Variants in NTRK2 observed in about 807,000 individuals in gnomAD.
NTRK2 encodes the protein neurotrophic receptor tyrosine kinase 2.
Under a neutral mutation model 94.5 loss-of-function variants are expected in NTRK2, and 13 were observed. That is an observed-to-expected ratio of 0.14 (90% CI 0.09 to 0.22). The LOEUF (loss-of-function observed/expected upper bound fraction) is 0.22, where lower values mean the gene tolerates loss of function less well. Ranked by LOEUF, NTRK2 falls within the 10% of genes least tolerant of loss-of-function variation. The probability of loss-of-function intolerance (pLI) is 1.00; values close to 1 mark genes in which losing one functional copy is unlikely to be tolerated. For missense variants in NTRK2, 639 were observed against 1,071.2 expected (o/e 0.60, Z 5.63); for synonymous variants, 372 against 407.4 (o/e 0.91, Z 1.05).
chr9:84,967,934 C>T (rs1008074012), intron 17 of NTRK2, among the ~76,000 whole-genome samples: 1 of 152,218 alleles, frequency 6.6e-6, no homozygotes, highest in Non-Finnish European at 1.5e-5. Context: ...TTCTTCCCAG[C>T]TGTCTTAGGG....
intron 14 of NTRK2, among the ~76,000 whole-genome samples, chr9:84,901,370 G>A (rs374869433): frequency 1.4e-4 from 22 of 151,838 alleles, no homozygotes; most frequent in African/African-American, 4.8e-4. Flanking sequence ...CTACAGGCAC[G>A]TGCCACCACA....
chr9:84,739,648 A>G (rs1424161146), intron 9 of NTRK2, among the ~76,000 whole-genome samples: 1 of 152,172 alleles, frequency 6.6e-6, no homozygotes, highest in Non-Finnish European at 1.5e-5. Flanking sequence ...TGGTGACCAC[A>G]GGCCCTTCTC....
chr9:84,806,747 T>C (rs79659927), intron 12 of NTRK2, among the ~76,000 whole-genome samples: 2 of 152,210 alleles, frequency 1.3e-5, no homozygotes, highest in South Asian at 2.1e-4. Context: ...ATTAAGACAA[T>C]AGGTGTTTAA....
At chr9:84,725,648 A>G (rs114014086) in intron 8 of NTRK2, among the ~76,000 whole-genome samples, 2,748 of 148,210 alleles carry the variant, frequency 0.019, 81 homozygotes, top group African/African-American at 0.063. Context: ...CATTATATAT[A>G]TTATATATAT....
chr9:84,904,120 A>C (rs1283517940), intron 14 of NTRK2, among the ~76,000 whole-genome samples: 3 of 152,222 alleles, frequency 2.0e-5, no homozygotes, highest in Non-Finnish European at 4.4e-5. Context: ...CTAAGAATTC[A>C]TGAATTTTAA....
chr9:84,753,917 G>A (rs1212614144), intron 12 of NTRK2, among the ~76,000 whole-genome samples: 1 of 152,118 alleles, frequency 6.6e-6, no homozygotes, highest in Non-Finnish European at 1.5e-5. Context: ...CAAAATTTAG[G>A]AACTTCTTCC....
At chr9:84,756,471 T>C (rs1480796490) in intron 12 of NTRK2, among the ~76,000 whole-genome samples, 1 of 152,008 alleles carries the variant, frequency 6.6e-6, no homozygotes, top group Non-Finnish European at 1.5e-5. Flanking sequence ...TTGCAAAAAA[T>C]ATAAGGGAGC....
At chr9:84,749,026 C>T (rs567599108) in intron 11 of NTRK2, among the ~76,000 whole-genome samples, 19 of 152,058 alleles carry the variant, frequency 1.2e-4, no homozygotes, top group East Asian at 3.9e-4. Context: ...GTTGGGAGTT[C>T]GAGACCAGCT....
intron 17 of NTRK2, among the ~76,000 whole-genome samples, chr9:84,977,738 A>C (rs1234250887): frequency 6.6e-6 from 1 of 152,184 alleles, no homozygotes; most frequent in African/African-American, 2.4e-5. Context: ...CACTATGCAA[A>C]TATTGTGTAT....
At position 84,674,053 on chromosome 9, in the gene NTRK2, C is replaced by T. The variant is rs151077910; in HGVS notation, c.212+3093C>T. Reference sequence around the variant, plus strand: ...AAGTGCCAAAGTGCATTGCAAAGGACAAGTTCTGTTTCACCCAAGTGGTAA... The same window carrying T: ...AAGTGCCAAAGTGCATTGCAAAGGATAAGTTCTGTTTCACCCAAGTGGTAA... On this transcript the variant is annotated intron_variant, in intron 2 of 18. Coordinates refer to ENST00000277120, the MANE Select transcript of NTRK2 (RefSeq NM_006180.6). Among the ~76,000 whole-genome samples the T allele has an allele frequency of 2.6e-5, 4 of 152,218 alleles. No individual in the cohort carries two copies. In the East Asian group the frequency reaches 7.7e-4, roughly 29 times the overall value.
chr9:84,763,575 C>T (rs1412910819), intron 12 of NTRK2, among the ~76,000 whole-genome samples: 1 of 152,048 alleles, frequency 6.6e-6, no homozygotes, highest in African/African-American at 2.4e-5. Context: ...TGCTTAACAT[C>T]TTGTTATTGA....
At chr9:84,730,611 G>A (rs2062783939) in intron 9 of NTRK2, among the ~76,000 whole-genome samples, 2 of 140,566 alleles carry the variant, frequency 1.4e-5, no homozygotes, top group South Asian at 2.2e-4. Context: ...GTGGTAGCGG[G>A]CGCCTGTAGT....
At chr9:84,883,740 A>AT (rs909150400) in intron 14 of NTRK2, among the ~76,000 whole-genome samples, 5 of 152,200 alleles carry the variant, frequency 3.3e-5, no homozygotes, top group Non-Finnish European at 7.3e-5. Flanking sequence ...AGGATTGGCA[A>AT]TTTTTTTAAT....
chr9:84,758,548 C>T (rs577039100), intron 12 of NTRK2, among the ~76,000 whole-genome samples: 35 of 152,226 alleles, frequency 2.3e-4, no homozygotes, highest in African/African-American at 7.5e-4. Flanking sequence ...TGCGCTACCA[C>T]GCCCGGCTAA....
intron 14 of NTRK2, among the ~76,000 whole-genome samples, chr9:84,881,341 A>C (rs1376072239): frequency 6.6e-6 from 1 of 152,214 alleles, no homozygotes; most frequent in Non-Finnish European, 1.5e-5. Context: ...TATATGTCGT[A>C]TGTCTCTGTT....
At chr9:84,997,246 A>T (rs1243122726) in intron 17 of NTRK2, among the ~76,000 whole-genome samples, 1 of 152,124 alleles carries the variant, frequency 6.6e-6, no homozygotes, top group African/African-American at 2.4e-5. Context: ...GCGGTAGGGG[A>T]CTGGCCCGGG....
chr9:84,895,746 A>T (rs1001507714), intron 14 of NTRK2, among the ~76,000 whole-genome samples: 4 of 152,196 alleles, frequency 2.6e-5, no homozygotes, highest in African/African-American at 7.2e-5. Flanking sequence ...CCTTCGCAGG[A>T]TCTCCTCCCT....
intron 17 of NTRK2, among the ~76,000 whole-genome samples, chr9:84,960,500 T>G (rs907893488): frequency 6.6e-6 from 1 of 152,214 alleles, no homozygotes; most frequent in Non-Finnish European, 1.5e-5. Flanking sequence ...TTTTATGTAA[T>G]GTGAATATTT....
intron 5 of NTRK2, among the ~76,000 whole-genome samples, chr9:84,710,348 T>C (rs961670443): frequency 6.6e-6 from 1 of 152,212 alleles, no homozygotes; most frequent in African/African-American, 2.4e-5. Context: ...TTCCCCATGT[T>C]ATGAGATGTT....
Sources: gnomAD v4.1 joint callset for allele counts (sites outside exome capture counted in the v4.1 genomes callset) on GRCh38, gnomAD v4.1.1 for gene constraint, MANE v1.5 for transcripts, NCBI Gene and HGNC (gene_info 2026-07-23, HGNC 2026-07-21) for gene names.